The following CERT1 variants were observed in gnomAD, a reference collection of about 807,000 sequenced individuals.
CERT1 encodes the protein ceramide transfer protein.
In CERT1, 31 loss-of-function variants were observed where a neutral mutation model predicts 87.9. That is an observed-to-expected ratio of 0.35 (90% CI 0.27 to 0.48). The LOEUF (loss-of-function observed/expected upper bound fraction) is 0.48, where lower values mean the gene tolerates loss of function less well. CERT1 is among the 20% of genes least tolerant of loss of function. The pLI is 0.99. For missense variants in CERT1, 487 were observed against 758.0 expected, an observed-to-expected ratio of 0.64 and a Z score of 4.20; for synonymous variants, 289 against 250.9, an observed-to-expected ratio of 1.15 and a Z score of -1.44.
intron 2 of CERT1, among the ~76,000 whole-genome samples, chr5:75,464,500 T>C (rs1277690564): frequency 6.6e-6 from 1 of 152,192 alleles, no homozygotes; most frequent in Admixed American, 6.5e-5. Context: ...TTAAGGCCTC[T>C]TTCCCCTTCT....
chr5:75,477,145 T>C (rs1018945681), intron 2 of CERT1, among the ~76,000 whole-genome samples: 2 of 152,098 alleles, frequency 1.3e-5, no homozygotes, highest in South Asian at 2.1e-4. Context: ...AATCTTATTT[T>C]CCCCCCTTTA....
chr5:75,486,856 T>A (rs764754039), intron 2 of CERT1, among the ~76,000 whole-genome samples: 1 of 152,046 alleles, frequency 6.6e-6, no homozygotes, highest in African/African-American at 2.4e-5. Context: ...CGGAAAGATA[T>A]CACATATTCA....
At position 75,436,019 on chromosome 5, in the gene CERT1, G is replaced by T. The variant is rs1051551447; in HGVS notation, c.349-9541C>A. Among the ~76,000 whole-genome samples the T allele has an allele frequency of 3.3e-5, 5 of 152,256 alleles. No individual in the cohort carries two copies. In the East Asian group the frequency reaches 9.7e-4, roughly 29 times the overall value. On this transcript the variant is annotated intron_variant, in intron 3 of 16. Coordinates refer to ENST00000643780, the MANE Select transcript of CERT1 (RefSeq NM_001379029.1). ...TGCATGCCAGCTGGGGCAGCGGCAG[G>T]TCCCTGTGTGAAAAATTATTTTATT... is the stretch of plus-strand genomic sequence containing the variant.
intron 6 of CERT1, among the ~76,000 whole-genome samples, chr5:75,418,117 C>T (rs950311589): frequency 6.6e-6 from 1 of 152,190 alleles, no homozygotes; most frequent in Admixed American, 6.5e-5. Flanking sequence ...GATCACCACA[C>T]TGCACTCCAG....
chr5:75,500,412 T>C (rs1237982781), intron 2 of CERT1, among the ~76,000 whole-genome samples: 11 of 152,196 alleles, frequency 7.2e-5, no homozygotes, highest in Admixed American at 6.5e-4. Flanking sequence ...TTTTCATGTT[T>C]TTCTTCTTCC....
At chr5:75,494,968 T>C (rs750942317) in intron 2 of CERT1, among the ~76,000 whole-genome samples, 3 of 152,234 alleles carry the variant, frequency 2.0e-5, no homozygotes, top group Non-Finnish European at 4.4e-5. Flanking sequence ...CCTTACTTTA[T>C]GAAACTGGGT....
intron 11 of CERT1, among the ~76,000 whole-genome samples, chr5:75,392,854 C>T (rs1020027203): frequency 4.0e-5 from 6 of 150,496 alleles, no homozygotes; most frequent in African/African-American, 1.2e-4. Context: ...CCTGTAGTCC[C>T]AGCTACTCAG....
At chr5:75,404,387 C>T (rs1464316402) in intron 8 of CERT1, among the ~76,000 whole-genome samples, 1 of 150,126 alleles carries the variant, frequency 6.7e-6, no homozygotes, top group African/African-American at 2.5e-5. Context: ...AGTGAATATA[C>T]CATCTAATGA....
chr5:75,413,277 A>G (rs1233575040), intron 7 of CERT1, among the ~76,000 whole-genome samples: 1 of 152,230 alleles, frequency 6.6e-6, no homozygotes, highest in East Asian at 1.9e-4. Flanking sequence ...TATGCAGTGT[A>G]TCACTGAACT....
chr5:75,511,047 C>T (rs1767952395), intron 1 of CERT1, 65 bp downstream of exon 1: 2 of 1,462,146 alleles, frequency 1.4e-6, no homozygotes, highest in South Asian at 1.4e-5. Context: ...ACCCCACCGC[C>T]TCAGCGGATT....
chr5:75,406,130 T>C lies in CERT1; in HGVS notation c.931-3072A>G, dbSNP rs562170385. ...TGTCATTTTCTTGATTAAAACCTAT[T>C]GTCTCAGGATCTGAACTAATTCTTG... On this transcript the variant is annotated intron_variant, in intron 8 of 16. Coordinates refer to ENST00000643780, the MANE Select transcript of CERT1 (RefSeq NM_001379029.1). 5.3e-5 allele frequency among the ~76,000 whole-genome samples: 8 copies of C among 152,368 alleles called. No individual in the cohort carries two copies. In the East Asian group the frequency reaches 1.5e-3, roughly 29 times the overall value.
At chr5:75,425,543 A>G (rs1429673288) in intron 4 of CERT1, 44 bp from the exon 5 acceptor site, 1 of 1,595,698 alleles carries the variant, frequency 6.3e-7, no homozygotes, top group East Asian at 2.2e-5. Flanking sequence ...GTAAAACAAA[A>G]CTGGATTTCA....
intron 10 of CERT1, 95 bp downstream of exon 10, chr5:75,400,110 G>A: frequency 5.5e-6 from 5 of 902,714 alleles, no homozygotes; most frequent in Middle Eastern, 4.4e-4. Flanking sequence ...CCACTCTGGT[G>A]ACAGAGTGAG....
intron 2 of CERT1, among the ~76,000 whole-genome samples, chr5:75,492,802 C>G (rs1400088341): frequency 6.6e-6 from 1 of 152,156 alleles, no homozygotes; most frequent in Non-Finnish European, 1.5e-5. Context: ...TGAGATGATA[C>G]AAAACACCAG....
chr5:75,496,032 G>A (rs754318145), intron 2 of CERT1, among the ~76,000 whole-genome samples: 1 of 151,972 alleles, frequency 6.6e-6, no homozygotes, highest in Non-Finnish European at 1.5e-5. Flanking sequence ...TAGTGTTAGT[G>A]ATAAAAATCA....
At chr5:75,414,581 G>A (rs1763065341) in intron 7 of CERT1, among the ~76,000 whole-genome samples, 1 of 152,010 alleles carries the variant, frequency 6.6e-6, no homozygotes, top group South Asian at 2.1e-4. Context: ...CCTAATTTTA[G>A]AATTTTTGGT....
At chr5:75,449,125 T>C (rs951354029) in intron 3 of CERT1, among the ~76,000 whole-genome samples, 2 of 152,196 alleles carry the variant, frequency 1.3e-5, no homozygotes, top group East Asian at 1.9e-4. Context: ...TTCATAGTAA[T>C]GTGCTGTGAA....
intron 2 of CERT1, among the ~76,000 whole-genome samples, chr5:75,489,294 C>A (rs1374182599): frequency 1.3e-5 from 2 of 152,284 alleles, no homozygotes; most frequent in African/African-American, 4.8e-5. Context: ...CATAAAAACC[C>A]TAGAAGAAAA....
At chr5:75,458,983 C>G (rs1185338056) in intron 3 of CERT1, 82 bp downstream of exon 3, 2 of 720,070 alleles carry the variant, frequency 2.8e-6, no homozygotes, top group African/African-American at 3.5e-5. Context: ...TAACTAATGT[C>G]ACATGTCAAC....
Sources: allele counts gnomAD v4.1 joint callset (sites outside exome capture counted in the v4.1 genomes callset), GRCh38; gene constraint gnomAD v4.1.1; transcripts MANE v1.5; gene names NCBI Gene and HGNC (gene_info 2026-07-23, HGNC 2026-07-21).